WLS: variants seen among roughly 807,000 people sequenced by gnomAD.
The protein encoded by WLS is protein wntless homolog.
In WLS, 23 loss-of-function variants were observed where a neutral mutation model predicts 62.8. That is an observed-to-expected ratio of 0.37 (90% confidence interval 0.26 to 0.52). The LOEUF (loss-of-function observed/expected upper bound fraction) is 0.52, where lower values mean the gene tolerates loss of function less well. WLS is among the 20% of genes least tolerant of loss of function. WLS has a pLI of 0.92. For missense variants in WLS, 615 were observed against 697.3 expected, an observed-to-expected ratio of 0.88 and a Z score of 1.33; for synonymous variants, 246 against 244.1, an observed-to-expected ratio of 1.01 and a Z score of -0.07.
intron 11 of WLS, among the ~76,000 whole-genome samples, chr1:68,135,523 G>T (rs532259272): frequency 1.5e-4 from 23 of 152,148 alleles, no homozygotes; most frequent in Non-Finnish European, 2.4e-4. Context: ...TGCACAGAGG[G>T]TTAAGTGTTT....
In WLS at chr1:68,162,502, A is replaced by G. The variant is rs1382187921; in HGVS notation, c.380-3255T>C. 24 of 1,613,610 alleles carry G rather than the reference A, an allele frequency of 1.5e-5. No individual in the cohort carries two copies. In the South Asian group the frequency reaches 2.6e-4, roughly 18 times the overall value. ...GCTGAATCCAAAGGCCTTGGCTCGA[A>G]CTGCAACCGCCTACCCCCTGCGATC... On this transcript the variant is annotated intron_variant, in intron 2 of 11. Coordinates refer to ENST00000262348, the MANE Select transcript of WLS (RefSeq NM_024911.7).
At chr1:68,124,711 AG>A (rs1646404069), downstream of WLS, among the ~76,000 whole-genome samples, 1 of 152,130 alleles carries the variant, frequency 6.6e-6, no homozygotes, top group Non-Finnish European at 1.5e-5. Flanking sequence ...GAATAGCCAA[AG>A]TCAAAGCATT....
chr1:68,210,842 T>C (rs534821632), intron 1 of WLS, among the ~76,000 whole-genome samples: 2 of 152,246 alleles, frequency 1.3e-5, no homozygotes, highest in African/African-American at 2.4e-5. Context: ...GTGGAGGATT[T>C]TTCCCCTCTG....
chr1:68,104,778 G>GGT (rs1452642221), intron 11 of WLS, among the ~76,000 whole-genome samples: 8 of 152,180 alleles, frequency 5.3e-5, no homozygotes, highest in African/African-American at 1.7e-4. Context: ...AAAGTAGCCA[G>GGT]GTGTGGTGGT....
chr1:68,211,895 G>A (rs1649530393), intron 1 of WLS, among the ~76,000 whole-genome samples: 1 of 152,082 alleles, frequency 6.6e-6, no homozygotes, highest in Non-Finnish European at 1.5e-5. Flanking sequence ...GGCTGCATCT[G>A]GGAAATTTTT....
intron 2 of WLS, among the ~76,000 whole-genome samples, chr1:68,171,516 C>G (rs1196202369): frequency 2.0e-5 from 3 of 151,970 alleles, no homozygotes; most frequent in African/African-American, 7.3e-5. Context: ...ATATGAACAG[C>G]CACTTCGCAA....
chr1:68,134,351 G>C (rs1401471440), intron 11 of WLS, among the ~76,000 whole-genome samples: 2 of 152,160 alleles, frequency 1.3e-5, no homozygotes, highest in African/African-American at 4.8e-5. Flanking sequence ...CAAGGTCACA[G>C]CACCATGCAG....
At chr1:68,103,085 C>A (rs1340342044) in intron 11 of WLS, among the ~76,000 whole-genome samples, 1 of 152,196 alleles carries the variant, frequency 6.6e-6, no homozygotes, top group Admixed American at 6.5e-5. Context: ...TCTGCTGCCT[C>A]CCTGCCTAGC....
intron 1 of WLS, among the ~76,000 whole-genome samples, chr1:68,227,312 G>A (rs1650189867): frequency 6.6e-6 from 1 of 151,678 alleles, no homozygotes; most frequent in Non-Finnish European, 1.5e-5. Flanking sequence ...CAGCTATCGG[G>A]AGGCTGAGGC....
At chr1:68,173,652 C>T (rs1398602092) in intron 2 of WLS, among the ~76,000 whole-genome samples, 7 of 152,160 alleles carry the variant, frequency 4.6e-5, no homozygotes, top group Non-Finnish European at 7.4e-5. Flanking sequence ...GGGATGGGGT[C>T]GCTCCATGGC....
At chr1:68,192,582 CA>C (rs113023360) in intron 2 of WLS, among the ~76,000 whole-genome samples, 15 of 141,914 alleles carry the variant, frequency 1.1e-4, no homozygotes, top group African/African-American at 2.6e-4. Context: ...GTCACACACA[CA>C]AAAAAAAAAG....
intron 1 of WLS, among the ~76,000 whole-genome samples, chr1:68,198,537 T>A (rs72938574): frequency 0.016 from 2,510 of 152,206 alleles, 64 homozygotes; most frequent in African/African-American, 0.057. Flanking sequence ...GAAGTCTCTA[T>A]GAAAATTCAG....
chr1:68,170,471 GGCT>G (rs1236439898), intron 2 of WLS, among the ~76,000 whole-genome samples: 4 of 151,978 alleles, frequency 2.6e-5, no homozygotes, highest in African/African-American at 9.7e-5. Flanking sequence ...CTCGGCCGCT[GGCT>G]GCTATTTCAA....
chr1:68,124,084 T>A (rs997723383), downstream of WLS, among the ~76,000 whole-genome samples: 3 of 152,216 alleles, frequency 2.0e-5, no homozygotes, highest in African/African-American at 7.2e-5. Flanking sequence ...GCTTGAAATT[T>A]GACTCTGATC....
chr1:68,165,280 C>T (rs1314684808), intron 2 of WLS, among the ~76,000 whole-genome samples: 2 of 152,100 alleles, frequency 1.3e-5, no homozygotes, highest in Non-Finnish European at 2.9e-5. Flanking sequence ...GAAGTTTGGG[C>T]CCCACACTTT....
intron 2 of WLS, among the ~76,000 whole-genome samples, chr1:68,178,057 C>T (rs1463648589): frequency 6.6e-6 from 1 of 152,198 alleles, no homozygotes; most frequent in Non-Finnish European, 1.5e-5. Context: ...TAACCCAGTG[C>T]TGGAGTTGTC....
chr1:68,112,233 C>T (rs1035488345), intron 11 of WLS, among the ~76,000 whole-genome samples: 4 of 152,184 alleles, frequency 2.6e-5, no homozygotes, highest in Non-Finnish European at 4.4e-5. Context: ...CTTACTTGCT[C>T]TCCTGGCCAG....
At chr1:68,118,511 T>C (rs1348429212) in intron 11 of WLS, among the ~76,000 whole-genome samples, 6 of 152,118 alleles carry the variant, frequency 3.9e-5, no homozygotes, top group Admixed American at 3.9e-4. Context: ...CCTCCCGCCT[T>C]CCTTTACCAC....
chr1:68,219,706 T>C (rs2772286), intron 1 of WLS, among the ~76,000 whole-genome samples: 23,816 of 152,160 alleles, frequency 0.16, 2,141 homozygotes, highest in East Asian at 0.4. Flanking sequence ...ATTATTCTCA[T>C]ACAGCTTACA....
Sources: allele counts gnomAD v4.1 joint callset (sites outside exome capture counted in the v4.1 genomes callset), GRCh38; gene constraint gnomAD v4.1.1; transcripts MANE v1.5; gene names NCBI Gene and HGNC (gene_info 2026-07-23, HGNC 2026-07-21).